Variants in GPC5 observed in about 807,000 individuals in gnomAD.
GPC5 encodes the protein glypican-5.
Under a neutral mutation model 53.9 loss-of-function variants are expected in GPC5, and 47 were observed. The observed-to-expected ratio is 0.87, with a 90% CI of 0.69 to 1.11. The LOEUF (loss-of-function observed/expected upper bound fraction) is 1.11. GPC5 is among the 50% of genes most tolerant of loss of function. GPC5 has a pLI of 0.00. For missense variants in GPC5, 748 were observed against 713.1 expected (o/e 1.05, Z -0.56); for synonymous variants, 286 against 263.3 (o/e 1.09, Z -0.84).
intron 7 of GPC5, among the ~76,000 whole-genome samples, chr13:92,642,970 T>C (rs959599958): frequency 6.6e-6 from 1 of 152,204 alleles, no homozygotes; most frequent in African/African-American, 2.4e-5. Flanking sequence ...TTTCTGGCTC[T>C]TGAAAACTTG....
At chr13:91,690,505 A>G (rs1566612407) in intron 2 of GPC5, among the ~76,000 whole-genome samples, 6 of 152,178 alleles carry the variant, frequency 3.9e-5, no homozygotes, top group Admixed American at 3.3e-4. Context: ...TGGAAATGCT[A>G]TATTCATTTT....
At chr13:91,459,506 A>C (rs1881792541) in intron 2 of GPC5, among the ~76,000 whole-genome samples, 1 of 119,566 alleles carries the variant, frequency 8.4e-6, no homozygotes, top group Non-Finnish European at 1.7e-5. Context: ...ATAATGGTAA[A>C]ATATATCAGG....
chr13:92,318,999 C>T (rs534638723), intron 7 of GPC5, among the ~76,000 whole-genome samples: 150 of 152,190 alleles, frequency 9.9e-4, no homozygotes, highest in African/African-American at 3.5e-3. Context: ...AAGAAAGACA[C>T]AGGGGCTAAT....
At chr13:91,457,809 G>A (rs144978732) in intron 2 of GPC5, among the ~76,000 whole-genome samples, 141 of 152,142 alleles carry the variant, frequency 9.3e-4, no homozygotes, top group African/African-American at 3.3e-3. Flanking sequence ...TGGTTGAGCA[G>A]GTACAGTGGA....
chr13:92,376,768 C>T (rs2043696875), intron 7 of GPC5, among the ~76,000 whole-genome samples: 1 of 152,154 alleles, frequency 6.6e-6, no homozygotes, highest in Non-Finnish European at 1.5e-5. Flanking sequence ...GTAATCCCAG[C>T]ATTTTTAGGA....
At chr13:91,964,670 CCAT>C (rs76030116) in intron 6 of GPC5, among the ~76,000 whole-genome samples, 44 of 152,114 alleles carry the variant, frequency 2.9e-4, no homozygotes, top group Non-Finnish European at 6.3e-4. Context: ...CTCCAAATCC[CCAT>C]CCCACCCAAA....
chr13:91,722,437 C>G (rs1363461812), intron 3 of GPC5, among the ~76,000 whole-genome samples: 2 of 152,052 alleles, frequency 1.3e-5, no homozygotes, highest in South Asian at 2.1e-4. Context: ...TTAAATGGAC[C>G]CATACAGTAA....
intron 7 of GPC5, among the ~76,000 whole-genome samples, chr13:92,853,545 G>A (rs1472799360): frequency 6.6e-6 from 1 of 152,094 alleles, no homozygotes; most frequent in Non-Finnish European, 1.5e-5. Flanking sequence ...ATAGGCCTGA[G>A]AAGATTTAAA....
At chr13:92,179,195 C>G (rs1392149650) in intron 7 of GPC5, among the ~76,000 whole-genome samples, 2 of 151,904 alleles carry the variant, frequency 1.3e-5, no homozygotes, top group Non-Finnish European at 2.9e-5. Context: ...TAAATTAGCT[C>G]TGGGGTAAAA....
intron 7 of GPC5, among the ~76,000 whole-genome samples, chr13:92,329,808 G>T (rs920630622): frequency 7.9e-5 from 12 of 152,060 alleles, no homozygotes; most frequent in Admixed American, 3.9e-4. Flanking sequence ...GGACAGCCAC[G>T]GTTTTCTGGC....
chr13:92,201,711 T>C (rs905235323), intron 7 of GPC5, among the ~76,000 whole-genome samples: 5 of 152,166 alleles, frequency 3.3e-5, no homozygotes, highest in African/African-American at 1.2e-4. Context: ...TTGCTAGATG[T>C]CTTGAAAGAG....
chr13:91,705,547 C>T (rs2036079838), intron 3 of GPC5, among the ~76,000 whole-genome samples: 1 of 152,142 alleles, frequency 6.6e-6, no homozygotes, highest in South Asian at 2.1e-4. Context: ...GATCCAAACT[C>T]ATTTCATCAG....
intron 7 of GPC5, among the ~76,000 whole-genome samples, chr13:92,160,441 T>A (rs546612480): frequency 6.6e-6 from 1 of 152,234 alleles, no homozygotes; most frequent in Non-Finnish European, 1.5e-5. Flanking sequence ...TATATTCTAC[T>A]GTGTAGGATA....
intron 7 of GPC5, among the ~76,000 whole-genome samples, chr13:92,846,522 C>T (rs776426615): frequency 2.0e-5 from 3 of 152,192 alleles, no homozygotes; most frequent in Non-Finnish European, 2.9e-5. Context: ...CTGGCATCCA[C>T]AATCACTGCT....
At chr13:92,462,718 C>CTTT (rs35798030) in intron 7 of GPC5, among the ~76,000 whole-genome samples, 1 of 136,982 alleles carries the variant, frequency 7.3e-6, no homozygotes, top group South Asian at 2.4e-4. Flanking sequence ...TTGTTCATGT[C>CTTT]TTTTTTTTTT....
chr13:92,246,090 G>GT (rs1476044256), intron 7 of GPC5, among the ~76,000 whole-genome samples: 3 of 152,048 alleles, frequency 2.0e-5, no homozygotes, highest in African/African-American at 7.2e-5. Flanking sequence ...TAAGATGAGT[G>GT]TAAGAGACAA....
chr13:92,613,380 T>TTATATATAAATATATAA (rs1306361372), intron 7 of GPC5, among the ~76,000 whole-genome samples: 1 of 68,362 alleles, frequency 1.5e-5, no homozygotes, highest in African/African-American at 5.9e-5. Flanking sequence ...TATAAATATA[T>TTATATATAAATATATAA]TATATTATAT....
intron 6 of GPC5, among the ~76,000 whole-genome samples, chr13:91,934,666 T>C (rs1394972093): frequency 6.6e-6 from 1 of 151,892 alleles, no homozygotes; most frequent in Non-Finnish European, 1.5e-5. Flanking sequence ...ATGAACAGCG[T>C]CCCAGAAATG....
intron 7 of GPC5, among the ~76,000 whole-genome samples, chr13:92,304,306 A>G (rs2139201591): frequency 6.6e-6 from 1 of 151,148 alleles, no homozygotes; most frequent in Non-Finnish European, 1.5e-5. Context: ...CTGGGTTCAC[A>G]TCATTCTCCT....
Sources: allele counts gnomAD v4.1 joint callset (sites outside exome capture counted in the v4.1 genomes callset), GRCh38; gene constraint gnomAD v4.1.1; transcripts MANE v1.5; gene names NCBI Gene and HGNC (gene_info 2026-07-23, HGNC 2026-07-21).